VAV2: variants seen among roughly 807,000 people sequenced by gnomAD.
The protein encoded by VAV2 is guanine nucleotide exchange factor VAV2.
A neutral mutation model predicts 132.5 loss-of-function variants in VAV2; 67 were observed. That is an observed-to-expected ratio of 0.51 (90% CI 0.42 to 0.62). The LOEUF (loss-of-function observed/expected upper bound fraction) is 0.62, where lower values mean the gene tolerates loss of function less well. Among genes scored for constraint, VAV2 ranks in the 20% least tolerant of loss-of-function variants. The pLI is 0.00. For missense variants in VAV2, 938 were observed against 1,153.6 expected (o/e 0.81, Z 2.71); for synonymous variants, 492 against 443.5 (o/e 1.11, Z -1.37).
At chr9:133,827,252 G>C (rs571904871) in intron 4 of VAV2, among the ~76,000 whole-genome samples, 1,887 of 10,244 alleles carry the variant, frequency 0.18, 324 homozygotes, top group African/African-American at 0.41. Flanking sequence ...CCACTGAGCG[G>C]GGGCATCACC....
chr9:133,871,907 G>A (rs1838070851), intron 2 of VAV2, among the ~76,000 whole-genome samples: 1 of 152,086 alleles, frequency 6.6e-6, no homozygotes, highest in South Asian at 2.1e-4. Context: ...CCAGCAGGTG[G>A]TTCAGGGACA....
chr9:133,771,886 C>T lies in VAV2; in HGVS notation c.2223+73G>A, dbSNP rs1250621951. The T allele has an allele frequency of 2.4e-5, 33 of 1,394,274 alleles. 1 individual carries two copies. The highest frequency in any genetic ancestry group is 1.2e-4 in the South Asian group (10 of 85,018). 86.4% of individuals were successfully genotyped at this position (1,394,274 alleles called of 1,614,324 possible). A position where few individuals can be genotyped will look rare whatever the true frequency, so the allele number is the denominator to read the frequency against. ...AATCCTCACAGAAAACATGGCCACTCGCTCAGGGCCGGGAGGAAGCACCTG... is the reference window on the plus strand; with the variant it reads ...AATCCTCACAGAAAACATGGCCACTTGCTCAGGGCCGGGAGGAAGCACCTG... On this transcript the variant is annotated intron_variant, in intron 26 of 29. Coordinates refer to ENST00000371850, the MANE Select transcript of VAV2 (RefSeq NM_001134398.2).
chr9:133,968,845 G>A (rs1035055301), intron 1 of VAV2, among the ~76,000 whole-genome samples: 1 of 152,172 alleles, frequency 6.6e-6, no homozygotes, highest in Admixed American at 6.5e-5. Context: ...CTGGCTCAGC[G>A]GCTCGCGACA....
rs978092788 is a variant in VAV2, at chr9:133,879,103, C to T, written c.322-17671G>A. Among the ~76,000 whole-genome samples the T allele has an allele frequency of 6.6e-5, 10 of 152,150 alleles. No homozygotes were observed. Among genetic ancestry groups the T allele is most frequent in the African/African-American group, 9.7e-5 (4 of 41,436 alleles). On this transcript the variant is annotated intron_variant, in intron 2 of 29. Coordinates refer to ENST00000371850, the MANE Select transcript of VAV2 (RefSeq NM_001134398.2). The surrounding 1 kb of genome is among the most constrained non-coding windows in gnomAD (Gnocchi z 4.4). ...CATAGTCTTCCAGAGGGGACCGGGCCGGGCTTGTGCTGCTGAACCTGGCTC... is the reference window on the plus strand; with the variant it reads ...CATAGTCTTCCAGAGGGGACCGGGCTGGGCTTGTGCTGCTGAACCTGGCTC...
intron 4 of VAV2, 56 bp from the exon 5 acceptor site, chr9:133,812,272 G>T (rs1347303791): frequency 6.4e-7 from 1 of 1,573,092 alleles, no homozygotes; most frequent in African/African-American, 1.3e-5. Flanking sequence ...CCCTGACCGG[G>T]GAGCCGCAGA....
At chr9:133,913,547 G>A (rs1839955739) in intron 2 of VAV2, among the ~76,000 whole-genome samples, 1 of 152,218 alleles carries the variant, frequency 6.6e-6, no homozygotes, top group Non-Finnish European at 1.5e-5. Context: ...ATCTGCCCTT[G>A]GTAAAAAACC....
At chr9:133,942,742 C>T (rs1411869119) in intron 1 of VAV2, among the ~76,000 whole-genome samples, 2 of 152,232 alleles carry the variant, frequency 1.3e-5, no homozygotes, top group African/African-American at 4.8e-5. Context: ...CCAGCAACTG[C>T]TGTGCCTGGC....
chr9:133,944,167 AG>A (rs911429171), intron 1 of VAV2, among the ~76,000 whole-genome samples: 1 of 152,134 alleles, frequency 6.6e-6, no homozygotes, highest in African/African-American at 2.4e-5. Flanking sequence ...ACACAATGGC[AG>A]GGACAGGCCT....
At chr9:133,971,285 C>T (rs954379293) in intron 1 of VAV2, among the ~76,000 whole-genome samples, 1 of 152,196 alleles carries the variant, frequency 6.6e-6, no homozygotes, top group Non-Finnish European at 1.5e-5. Context: ...CGGTGTTTAA[C>T]TGATCCTGAT....
intron 8 of VAV2, among the ~76,000 whole-genome samples, chr9:133,806,391 G>A (rs1835144911): frequency 6.6e-6 from 1 of 152,198 alleles, no homozygotes; most frequent in Admixed American, 6.5e-5. Context: ...GCCAGTACGT[G>A]TGGGAGGGAA....
intron 1 of VAV2, among the ~76,000 whole-genome samples, chr9:133,955,352 A>G (rs1312074398): frequency 1.3e-5 from 2 of 151,392 alleles, no homozygotes; most frequent in South Asian, 4.2e-4. Flanking sequence ...GCTGAGTCGG[A>G]AGCACGGTCC....
intron 2 of VAV2, among the ~76,000 whole-genome samples, chr9:133,931,011 C>A (rs978265444): frequency 6.6e-6 from 1 of 152,210 alleles, no homozygotes; most frequent in Non-Finnish European, 1.5e-5. Flanking sequence ...AGAGAAGCGG[C>A]CTAGCGATTT....
rs1330431748 is a variant in VAV2 at position 133,899,482 on chromosome 9, C to T, written c.322-38050G>A. On this transcript the variant is annotated intron_variant, in intron 2 of 29. Coordinates refer to ENST00000371850, the MANE Select transcript of VAV2 (RefSeq NM_001134398.2). ...GGAGTCCTATAGCACGATCTGAGCT[C>T]ACCGCAATCTCTGCCTCCTGGGTTC... Among the ~76,000 whole-genome samples the T allele has an allele frequency of 2.0e-5, 3 of 151,910 alleles. No homozygotes were observed. The East Asian group carries it at 5.9e-4, about 30-fold the overall frequency.
rs777614461 is a variant in VAV2 at position 133,833,816 on chromosome 9, C to T, written c.449+456G>A. ...AGGCAGGGCAGTGCCTGCCGGGCCA[C>T]GTGTTAACCCCGAGCCCACACACTC... On this transcript the variant is annotated intron_variant, in intron 4 of 29. Transcript: ENST00000371850. The surrounding 1 kb of genome is among the most constrained non-coding windows in gnomAD (Gnocchi z 5.6). 9.2e-5 allele frequency among the ~76,000 whole-genome samples: 14 copies of T among 152,122 alleles called. No individual in the cohort carries two copies. The highest frequency in any genetic ancestry group is 1.8e-4 in the Non-Finnish European group (12 of 68,002).
intron 20 of VAV2, among the ~76,000 whole-genome samples, chr9:133,780,490 C>T (rs1046531722): frequency 2.0e-5 from 3 of 152,148 alleles, no homozygotes; most frequent in Admixed American, 6.5e-5. Flanking sequence ...CAGCTGGGAT[C>T]GGAAGACACC....
chr9:133,812,443 C>T (rs890455737), intron 4 of VAV2, among the ~76,000 whole-genome samples: 1 of 152,210 alleles, frequency 6.6e-6, no homozygotes, highest in African/African-American at 2.4e-5. Context: ...GCTGCCTCCA[C>T]TAGGTGCATT....
intron 3 of VAV2, among the ~76,000 whole-genome samples, chr9:133,844,315 T>C (rs1836844712): frequency 6.6e-6 from 1 of 152,170 alleles, no homozygotes; most frequent in Non-Finnish European, 1.5e-5. Flanking sequence ...AGGGTGTCCT[T>C]CCCCGGTGAG....
At chr9:133,778,691 T>C in intron 22 of VAV2, 71 bp downstream of exon 22, 3 of 1,579,132 alleles carry the variant, frequency 1.9e-6, no homozygotes, top group East Asian at 2.3e-5. Flanking sequence ...CAGGACTTTA[T>C]GCTTCTGCCC....
intron 16 of VAV2, among the ~76,000 whole-genome samples, chr9:133,786,224 C>T (rs1177165963): frequency 6.6e-6 from 1 of 152,256 alleles, no homozygotes; most frequent in African/African-American, 2.4e-5. Context: ...TATGCGTGTG[C>T]ACCTGTGCAT....
Sources: allele counts gnomAD v4.1 joint callset (sites outside exome capture counted in the v4.1 genomes callset), GRCh38; gene constraint gnomAD v4.1.1; non-coding constraint Gnocchi (gnomAD v3.1); transcripts MANE v1.5; gene names NCBI Gene and HGNC (gene_info 2026-07-23, HGNC 2026-07-21).